Variants in PLEKHA6 observed in about 807,000 individuals in gnomAD.
The protein encoded by PLEKHA6 is pleckstrin homology domain containing A6, also known as pleckstrin homology domain-containing family A member 6.
PLEKHA6 carries 60 observed loss-of-function variants against 116.7 expected under a neutral mutation model. The ratio of observed to expected loss-of-function variants is 0.51; its 90% confidence interval spans 0.42 to 0.64. The LOEUF (loss-of-function observed/expected upper bound fraction) is 0.64, where lower values mean the gene tolerates loss of function less well. Ranked by LOEUF, PLEKHA6 falls within the 30% of genes least tolerant of loss-of-function variation. The pLI is 0.00. For synonymous variants in PLEKHA6, 489 were observed against 556.1 expected (o/e 0.88, Z 1.70); for missense variants, 1,338 against 1,422.7 (o/e 0.94, Z 0.96).
At chr1:204,239,686 C>T (rs535296992) in intron 17 of PLEKHA6, among the ~76,000 whole-genome samples, 11 of 152,256 alleles carry the variant, frequency 7.2e-5, no homozygotes, top group African/African-American at 2.4e-4. Flanking sequence ...ATTGATAAAA[C>T]GGTGGAATGG....
At position 204,318,593 on chromosome 1, in the gene PLEKHA6, A is replaced by ACT. The variant is rs1671946956; in HGVS notation, c.-95+41099_-95+41100dup. Among the ~76,000 whole-genome samples the ACT allele has an allele frequency of 5.9e-5, 9 of 152,106 alleles. No homozygotes were observed. In the South Asian group the frequency reaches 1.9e-3, roughly 32 times the overall value. ...GCTCCATAAGTGTGGCCTCATAGGC[A>ACT]CTCGCCTCAAGCAATTTAATTTTCA... is the stretch of plus-strand genomic sequence containing the variant. On this transcript the variant is annotated intron_variant, in intron 1 of 22. Transcript: ENST00000272203.
intron 3 of PLEKHA6, among the ~76,000 whole-genome samples, chr1:204,367,323 A>G (rs1673682121): frequency 6.6e-6 from 1 of 152,212 alleles, no homozygotes; most frequent in Admixed American, 6.5e-5. Flanking sequence ...CCAGAATCGC[A>G]GATGCCCCCA....
At chr1:204,315,184 T>C (rs1671808747) in intron 1 of PLEKHA6, among the ~76,000 whole-genome samples, 1 of 152,172 alleles carries the variant, frequency 6.6e-6, no homozygotes, top group Non-Finnish European at 1.5e-5. Context: ...CCTTGGCCTT[T>C]AAAATTAAAG....
At position 204,248,852 on chromosome 1, in the gene PLEKHA6, T is replaced by C. The variant is rs1305023889; in HGVS notation, c.1793A>G (p.Asn598Ser). The change falls in exon 12 of 23, where the codon AAC becomes AGC. Residue 598 changes from asparagine (N) to serine (S), a missense_variant. Asn to Ser is a conservative substitution (Grantham distance 46). This residue lies in a region of PLEKHA6 where 1,136 missense variants were observed against 1,163.6 expected (regional missense o/e 0.98). Transcript: ENST00000272203. The stretch of plus-strand genomic sequence containing the variant: ...CGCCTGAGACAGCTCCACGCGGATG[T>C]TGATGAGCTGGTTCTGCAGTGAATC... ...KKDSLQNQLINIRVELSQATT... is the reference protein window; with the variant it reads ...KKDSLQNQLISIRVELSQATT... The C allele has an allele frequency of 6.2e-7, 1 of 1,613,944 alleles. No homozygotes were observed. The highest frequency in any genetic ancestry group is 8.5e-7 in the Non-Finnish European group (1 of 1,179,984).
Position 204,223,684 on chromosome 1 carries a change from A to T in PLEKHA6, c.3032-99T>A. ...GCCCTCCCCAGGCAGGGAGTGAGGC[A>T]GGGAGGCAAGCGAAGAGAGAGCACT... On this transcript the variant is annotated intron_variant, in intron 21 of 22. Transcript: ENST00000272203. This position sits in a 1 kb window ranked among gnomAD's most constrained non-coding sequence, Gnocchi z 4.8. 1 of 642,818 alleles carries T rather than the reference A, an allele frequency of 1.6e-6. No homozygotes were observed. The highest frequency in any genetic ancestry group is 1.8e-5 in the South Asian group (1 of 54,828). 39.8% of individuals were successfully genotyped at this position (642,818 alleles called of 1,614,324 possible). A position where few individuals can be genotyped will look rare whatever the true frequency, so the allele number is the denominator to read the frequency against.
chr1:204,312,638 C>T (rs1671696056), intron 1 of PLEKHA6, among the ~76,000 whole-genome samples: 1 of 152,180 alleles, frequency 6.6e-6, no homozygotes, highest in East Asian at 1.9e-4. Context: ...GGCTGGCTCA[C>T]CCAGGAGAGG....
In PLEKHA6 at chr1:204,358,797, A is replaced by G. The variant is rs577627415; in HGVS notation, c.-95+897T>C. Among the ~76,000 whole-genome samples the G allele has an allele frequency of 5.3e-5, 8 of 150,960 alleles. No homozygotes were observed. In the South Asian group the frequency reaches 1.3e-3, roughly 24 times the overall value. Reference sequence around the variant, plus strand: ...GGCTCTCCCTCTATCCCGGTTCTCCATCTCTGCTCTCCCAGGCTCCACAGC... The same window carrying G: ...GGCTCTCCCTCTATCCCGGTTCTCCGTCTCTGCTCTCCCAGGCTCCACAGC... On this transcript the variant is annotated intron_variant, in intron 1 of 22. Transcript: ENST00000272203.
chr1:204,270,517 C>T (rs371519972), intron 3 of PLEKHA6, among the ~76,000 whole-genome samples: 1 of 152,166 alleles, frequency 6.6e-6, no homozygotes, highest in Non-Finnish European at 1.5e-5. Flanking sequence ...GCCACCCACC[C>T]CAGAACTCCA....
intron 5 of PLEKHA6, among the ~76,000 whole-genome samples, chr1:204,266,809 G>T (rs949905118): frequency 6.6e-6 from 1 of 152,032 alleles, no homozygotes; most frequent in Admixed American, 6.6e-5. Context: ...CATCCCTCAC[G>T]CCTATTTCCT....
intron 1 of PLEKHA6, 83 bp downstream of exon 1, chr1:204,359,611 G>A: frequency 1.0e-6 from 1 of 985,430 alleles, no homozygotes. Context: ...GGCTCACGCG[G>A]CAGACAGGCA....
intron 1 of PLEKHA6, among the ~76,000 whole-genome samples, chr1:204,278,907 C>T (rs1210576122): frequency 6.6e-6 from 1 of 152,176 alleles, no homozygotes; most frequent in Non-Finnish European, 1.5e-5. Flanking sequence ...TAACCACCTG[C>T]ATTTGGAGTT....
At chr1:204,314,979 G>A (rs1350275314) in intron 1 of PLEKHA6, among the ~76,000 whole-genome samples, 3 of 152,170 alleles carry the variant, frequency 2.0e-5, no homozygotes, top group Non-Finnish European at 4.4e-5. Context: ...AGCTTGGCTC[G>A]GAACGCTGGC....
In PLEKHA6 at chr1:204,259,783, G is replaced by T; in HGVS notation, c.525-43C>A. The T allele has an allele frequency of 1.3e-6, 2 of 1,557,722 alleles. No individual in the cohort carries two copies. The highest frequency in any genetic ancestry group is 1.7e-6 in the Non-Finnish European group (2 of 1,152,138). ...AGATGCTGTCAGTGACTCTAGCCCAGCATGGAGTGGGGCAGGGGGTGCCAG... is the reference window on the plus strand; with the variant it reads ...AGATGCTGTCAGTGACTCTAGCCCATCATGGAGTGGGGCAGGGGGTGCCAG... On this transcript the variant is annotated intron_variant, in intron 7 of 22. Transcript: ENST00000272203. This position sits in a 1 kb window ranked among gnomAD's most constrained non-coding sequence, Gnocchi z 4.6.
intron 18 of PLEKHA6, among the ~76,000 whole-genome samples, chr1:204,229,441 T>C (rs1318100732): frequency 6.6e-6 from 1 of 152,212 alleles, no homozygotes; most frequent in Non-Finnish European, 1.5e-5. Flanking sequence ...TAAGAAACAG[T>C]GTCTTGCTGT....
intron 17 of PLEKHA6, among the ~76,000 whole-genome samples, chr1:204,233,564 CAA>C (rs1361163153): frequency 6.6e-6 from 1 of 152,080 alleles, no homozygotes; most frequent in Admixed American, 6.6e-5. Context: ...CTCGGCCTCC[CAA>C]AGTGTTGGGA....
Position 204,356,683 on chromosome 1 carries a change from A to G in PLEKHA6, c.-95+3011T>C, listed in dbSNP as rs574422868. Among the ~76,000 whole-genome samples, 16 of 152,234 alleles carry G rather than the reference A, an allele frequency of 1.1e-4. No individual in the cohort carries two copies. The East Asian group carries it at 2.9e-3, about 27-fold the overall frequency. On this transcript the variant is annotated intron_variant, in intron 1 of 22. Transcript: ENST00000272203. ...ACACATCTGGGCCAAAATTTTAATG[A>G]TATATATGTATTGTGATAATCTAGA...
At chr1:204,314,727 A>G (rs1671789456) in intron 1 of PLEKHA6, among the ~76,000 whole-genome samples, 1 of 152,214 alleles carries the variant, frequency 6.6e-6, no homozygotes, top group Non-Finnish European at 1.5e-5. Flanking sequence ...TCCCTGCCTC[A>G]GAGACCTTTA....
intron 1 of PLEKHA6, among the ~76,000 whole-genome samples, chr1:204,354,417 C>T (rs1392898868): frequency 6.6e-6 from 1 of 152,204 alleles, no homozygotes; most frequent in African/African-American, 2.4e-5. Context: ...TGAATACCAG[C>T]TACCCTAAAA....
chr1:204,362,076 A>G (rs1185671164), upstream of PLEKHA6, among the ~76,000 whole-genome samples: 2 of 152,332 alleles, frequency 1.3e-5, no homozygotes, highest in East Asian at 1.9e-4. Context: ...GAGTAGCTTC[A>G]GGGGCATGAG....
Sources: allele counts gnomAD v4.1 joint callset (sites outside exome capture counted in the v4.1 genomes callset), GRCh38; gene constraint gnomAD v4.1.1; regional missense constraint gnomAD v4.1.1; non-coding constraint Gnocchi (gnomAD v3.1); transcripts MANE v1.5; gene names NCBI Gene and HGNC (gene_info 2026-07-23, HGNC 2026-07-21).